The following HDAC8 variants were observed in gnomAD, a reference collection of about 807,000 sequenced individuals.
The protein encoded by HDAC8 is histone deacetylase 8, also known as histone deacetylase-like 1.
A neutral mutation model predicts 32.2 loss-of-function variants in HDAC8; 1 was observed. That is an observed-to-expected ratio of 0.03 (90% confidence interval 0.01 to 0.15). HDAC8 has a LOEUF of 0.15. Ranked by LOEUF, HDAC8 falls within the 10% of genes least tolerant of loss-of-function variation. HDAC8 has a pLI of 1.00. For synonymous variants in HDAC8, 108 were observed against 113.9 expected (o/e 0.95, Z 0.33); for missense variants, 117 against 300.0 (o/e 0.39, Z 4.51).
chrX:72,442,180 G>A (rs1362905643), intron 9 of HDAC8, among the ~76,000 whole-genome samples: 1 of 110,626 alleles, frequency 9.0e-6, no homozygotes, highest in Non-Finnish European at 1.9e-5. Flanking sequence ...AGGAAATACA[G>A]AGAACACCAC....
intron 9 of HDAC8, among the ~76,000 whole-genome samples, chrX:72,394,307 A>T (rs926384466): frequency 1.1e-4 from 12 of 110,649 alleles, no homozygotes; most frequent in Non-Finnish European, 1.9e-4. Context: ...TAGACGGGGA[A>T]ATCCAGAATT....
intron 9 of HDAC8, among the ~76,000 whole-genome samples, chrX:72,448,878 T>C (rs2047494558): frequency 8.9e-6 from 1 of 112,253 alleles, no homozygotes; most frequent in Non-Finnish European, 1.9e-5. Flanking sequence ...CACAATGAGG[T>C]ACCATCTCAC....
chrX:72,380,556 A>C (rs1318950374), intron 9 of HDAC8, among the ~76,000 whole-genome samples: 3 of 111,732 alleles, frequency 2.7e-5, no homozygotes, highest in Non-Finnish European at 5.6e-5. Flanking sequence ...TTGGAACACA[A>C]CCAATACTCA....
rs782368859 is a variant in HDAC8, at chrX:72,572,813, A to G, written c.-52T>C. ...ACCTTCCAGATCTGGCTTTTTTCGG[A>G]CTCGGCCAGGGTTCCAGTTCCTGCT... is the stretch of plus-strand genomic sequence containing the variant. On this transcript the variant is annotated 5_prime_UTR_variant, in exon 1 of 11. Transcript: ENST00000373573. The G allele has an allele frequency of 9.6e-7, 1 of 1,040,983 alleles. No individual in the cohort carries two copies. Among genetic ancestry groups the G allele is most frequent in the East Asian group, 3.0e-5 (1 of 33,079 alleles). The allele number at this position is 1,040,983 out of a possible 1,213,427, so 85.8% of individuals were successfully genotyped here.
At chrX:72,431,709 A>G (rs1237592785) in intron 9 of HDAC8, among the ~76,000 whole-genome samples, 1 of 111,514 alleles carries the variant, frequency 9.0e-6, no homozygotes, top group Non-Finnish European at 1.9e-5. Flanking sequence ...CATGTTGCCA[A>G]ATCTAATGAA....
At chrX:72,442,651 C>T (rs1186531205) in intron 9 of HDAC8, among the ~76,000 whole-genome samples, 1 of 111,723 alleles carries the variant, frequency 9.0e-6, no homozygotes, top group African/African-American at 3.3e-5. Flanking sequence ...AACCAGCTAA[C>T]ATCATAATGA....
chrX:72,336,662 C>G (rs1337335106), intron 10 of HDAC8, among the ~76,000 whole-genome samples: 2 of 111,694 alleles, frequency 1.8e-5, no homozygotes, highest in South Asian at 3.8e-4. Flanking sequence ...AAGCAATCCT[C>G]CCTCCTAAGC....
In HDAC8 at chrX:72,331,793, G is replaced by T. The variant is rs1032865152; in HGVS notation, c.1112-1717C>A. Among the ~76,000 whole-genome samples, 5 of 112,160 alleles carry T rather than the reference G, an allele frequency of 4.5e-5. No individual in the cohort carries two copies. In the Admixed American group the frequency reaches 4.7e-4, roughly 11 times the overall value. On this transcript the variant is annotated intron_variant, in intron 10 of 10. Transcript: ENST00000373573. ...TCACTAGTTTTACAAGCACTCATTT[G>T]TGTGTGTATAAGTGTATAATTCTAG...
intron 10 of HDAC8, among the ~76,000 whole-genome samples, chrX:72,346,249 C>G (rs2044025227): frequency 9.0e-6 from 1 of 111,665 alleles, no homozygotes; most frequent in Non-Finnish European, 1.9e-5. Context: ...TGAAGTCATG[C>G]AAATTGGCTC....
At chrX:72,519,398 G>A (rs999134740) in intron 4 of HDAC8, among the ~76,000 whole-genome samples, 3 of 111,731 alleles carry the variant, frequency 2.7e-5, no homozygotes, top group Non-Finnish European at 3.8e-5. Flanking sequence ...CAAAGTAGCC[G>A]TACCATTCTA....
intron 9 of HDAC8, among the ~76,000 whole-genome samples, chrX:72,454,300 C>T (rs1440283689): frequency 9.0e-6 from 1 of 111,093 alleles, no homozygotes; most frequent in Non-Finnish European, 1.9e-5. Flanking sequence ...TGGAGTAACA[C>T]GGTCCAGCCA....
chrX:72,503,999 ATCT>A (rs1394264158), intron 4 of HDAC8, among the ~76,000 whole-genome samples: 1 of 112,154 alleles, frequency 8.9e-6, no homozygotes, highest in Non-Finnish European at 1.9e-5. Flanking sequence ...AGCAAGTAAA[ATCT>A]TCTTAGCTTG....
At chrX:72,572,191 C>A in intron 1 of HDAC8, 82 bp from the exon 2 acceptor site, 1 of 925,595 alleles carries the variant, frequency 1.1e-6, no homozygotes. Context: ...CCCCGTCAAT[C>A]TCACCATCCT....
chrX:72,338,606 A>G (rs1212351799), intron 10 of HDAC8, among the ~76,000 whole-genome samples: 1 of 104,187 alleles, frequency 9.6e-6, no homozygotes, highest in Non-Finnish European at 1.9e-5. Flanking sequence ...GAATGTTTTT[A>G]TATCTACTTA....
chrX:72,525,518 T>C lies in HDAC8; in HGVS notation c.438-30250A>G, dbSNP rs193161968. Among the ~76,000 whole-genome samples, 7 of 110,133 alleles carry C rather than the reference T, an allele frequency of 6.4e-5. No homozygotes were observed. The East Asian group carries it at 2.0e-3, about 31-fold the overall frequency. On this transcript the variant is annotated intron_variant, in intron 4 of 10. Coordinates refer to ENST00000373573, the MANE Select transcript of HDAC8 (RefSeq NM_018486.3). ...CTTCCTTCAACAAATATCTAATGAG[T>C]ATTTACTAAATGCTCTCTGTTCTAG...
chrX:72,330,120 T>C, intron 10 of HDAC8, 44 bp from the exon 11 acceptor site: 2 of 1,089,339 alleles, frequency 1.8e-6, no homozygotes, highest in African/African-American at 1.8e-5. Flanking sequence ...AGGTAATGTA[T>C]GTGAATTATA....
chrX:72,515,595 G>T (rs1451973182), intron 4 of HDAC8, among the ~76,000 whole-genome samples: 37 of 81,995 alleles, frequency 4.5e-4, no homozygotes, highest in African/African-American at 1.1e-3. Flanking sequence ...TGTGGGGGGG[G>T]GGTGGGGGGG....
intron 4 of HDAC8, among the ~76,000 whole-genome samples, chrX:72,532,064 C>T (rs1418686299): frequency 9.0e-6 from 1 of 110,683 alleles, no homozygotes; most frequent in Non-Finnish European, 1.9e-5. Flanking sequence ...AGTGGCTGTA[C>T]CATTTTATGT....
chrX:72,389,008 A>G lies in HDAC8; in HGVS notation c.1006-37170T>C, dbSNP rs1228653670. ...ATGGCTGCCTGAGCTGACTAATACA[A>G]TTAGTTTTAGCTACATTATTAATAC... On this transcript the variant is annotated intron_variant, in intron 9 of 10. Transcript: ENST00000373573. 4.5e-5 allele frequency among the ~76,000 whole-genome samples: 5 copies of G among 112,342 alleles called. No homozygotes were observed. In the Admixed American group the frequency reaches 4.7e-4, roughly 11 times the overall value.
Sources: allele counts gnomAD v4.1 joint callset (sites outside exome capture counted in the v4.1 genomes callset), GRCh38; gene constraint gnomAD v4.1.1; transcripts MANE v1.5; gene names NCBI Gene and HGNC (gene_info 2026-07-23, HGNC 2026-07-21).